Variants in PHF20L1 observed in about 807,000 individuals in gnomAD.
The protein encoded by PHF20L1 is PHD finger protein 20-like protein 1.
In PHF20L1, 44 loss-of-function variants were observed where a neutral mutation model predicts 125.5. The observed-to-expected ratio is 0.35, with a 90% confidence interval of 0.28 to 0.45. The LOEUF (loss-of-function observed/expected upper bound fraction) is 0.45. Among genes scored for constraint, PHF20L1 ranks in the 20% least tolerant of loss-of-function variants. The pLI, the probability that PHF20L1 is intolerant of heterozygous loss-of-function variation, is 1.00. For missense variants in PHF20L1, 1,012 were observed against 1,217.2 expected (o/e 0.83, Z 2.51); for synonymous variants, 380 against 403.1 (o/e 0.94, Z 0.69).
At chr8:132,834,051 A>G (rs954778400) in intron 15 of PHF20L1, among the ~76,000 whole-genome samples, 4 of 151,976 alleles carry the variant, frequency 2.6e-5, no homozygotes, top group African/African-American at 7.2e-5. Context: ...CTGGAAGGCA[A>G]CAGCTGTTCT....
Position 132,827,228 on chromosome 8 carries a change from C to T in PHF20L1, c.1744+1857C>T, listed in dbSNP as rs146729151. 4.2e-4 allele frequency among the ~76,000 whole-genome samples: 64 copies of T among 151,874 alleles called. 2 individuals are homozygous for T. Among genetic ancestry groups the T allele is most frequent in the African/African-American group, 2.7e-4 (11 of 41,458 alleles). ...GAAATGATGTAGAGGTAGGAAACTCCGGAGTTTGGTAAACAAAAACTATTC... is the reference window on the plus strand; with the variant it reads ...GAAATGATGTAGAGGTAGGAAACTCTGGAGTTTGGTAAACAAAAACTATTC... On this transcript the variant is annotated intron_variant, in intron 14 of 20. Transcript: ENST00000395386.
At chr8:132,843,561 T>C in intron 19 of PHF20L1, 1 of 984,980 alleles carries the variant, frequency 1.0e-6, no homozygotes, top group African/African-American at 1.7e-5. Flanking sequence ...TTAATTAATA[T>C]CCCATGTGCA....
chr8:132,837,292 G>T (rs1040096414), intron 16 of PHF20L1, among the ~76,000 whole-genome samples: 1 of 152,084 alleles, frequency 6.6e-6, no homozygotes, highest in Admixed American at 6.6e-5. Flanking sequence ...TGGTTTTATG[G>T]AGGGAACTAT....
At chr8:132,798,986 A>G in intron 5 of PHF20L1, 109 bp from the exon 6 acceptor site, 1 of 1,114,246 alleles carries the variant, frequency 9.0e-7, no homozygotes, top group South Asian at 1.4e-5. Context: ...TGATAGCCCC[A>G]AATAGCAGCA....
chr8:132,842,905 A>G, intron 19 of PHF20L1, 30 bp downstream of exon 19: 1 of 1,566,760 alleles, frequency 6.4e-7, no homozygotes, highest in Non-Finnish European at 8.6e-7. Flanking sequence ...CTTTGCTTGG[A>G]AACTATGAGA....
In PHF20L1 at chr8:132,817,476, G is replaced by A. The variant is rs1451400274; in HGVS notation, c.1510G>A (p.Asp504Asn). 3 of 1,612,430 alleles carry A rather than the reference G, an allele frequency of 1.9e-6. No homozygotes were observed. Among genetic ancestry groups the A allele is most frequent in the East Asian group, 2.2e-5 (1 of 44,794 alleles). ...RNECPRAEKE[D>N]TQMLPNPSSK... ...TGAATGTCCCAGGGCAGAAAAAGAG[G>A]ATACACAGATGCTTCCAAATCCTTC... is the stretch of plus-strand genomic sequence containing the variant. The change falls in exon 12 of 21, where the codon GAT (aspartate) becomes AAT (asparagine). Residue 504 changes from aspartate to asparagine, a missense_variant. By Grantham distance (23) the Asp-to-Asn change is conservative. Transcript: ENST00000395386.
At position 132,846,746 on chromosome 8, in the gene PHF20L1, T is replaced by C. The variant is rs1838446748; in HGVS notation, c.*823T>C. The C allele has an allele frequency of 6.6e-6, 1 of 152,270 alleles. No homozygotes were observed. The highest frequency in any genetic ancestry group is 6.6e-5 in the Admixed American group (1 of 15,220). The allele number at this position is 152,270 out of a possible 1,614,324, so 9.4% of individuals were successfully genotyped here. Reference sequence around the variant, plus strand: ...TCCAAAACCTATATATCACCTATACTATATATATCATATATATAGTTGAAT... The same window carrying C: ...TCCAAAACCTATATATCACCTATACCATATATATCATATATATAGTTGAAT... On this transcript the variant is annotated 3_prime_UTR_variant, in exon 21 of 21. Coordinates refer to ENST00000395386, the MANE Select transcript of PHF20L1 (RefSeq NM_016018.5).
At position 132,817,376 on chromosome 8, in the gene PHF20L1, A is replaced by G. The variant is rs886561663; in HGVS notation, c.1410A>G (p.Gly470=). The part of the protein sequence containing the change: ...DVAHLPLEKL[G]PCLPLDLSRG... ...CACATTTGCCACTTGAGAAGCTGGG[A>G]CCCTGTCTCCCTCTTGACTTAAGTC... Residue 470 remains glycine (G), a synonymous_variant, in exon 12 of 21, where the codon GGA becomes GGG. Transcript: ENST00000395386. The G allele has an allele frequency of 2.5e-6, 4 of 1,612,636 alleles. No individual in the cohort carries two copies. The East Asian group carries it at 8.9e-5, about 36-fold the overall frequency.
At chr8:132,782,141 A>G (rs1265233412) in intron 2 of PHF20L1, among the ~76,000 whole-genome samples, 3 of 152,350 alleles carry the variant, frequency 2.0e-5, no homozygotes, top group Middle Eastern at 3.4e-3. Context: ...TAGTAACATC[A>G]TAAGAATAAA....
At chr8:132,833,565 G>T (rs1837014907) in intron 15 of PHF20L1, among the ~76,000 whole-genome samples, 1 of 152,026 alleles carries the variant, frequency 6.6e-6, no homozygotes, top group African/African-American at 2.4e-5. Flanking sequence ...TTTCTGGAAG[G>T]ATCCTGGCAA....
chr8:132,798,331 C>A (rs1832657390), intron 4 of PHF20L1, among the ~76,000 whole-genome samples: 1 of 151,976 alleles, frequency 6.6e-6, no homozygotes, highest in South Asian at 2.1e-4. Context: ...AAGGAATAAT[C>A]CTTTCCAGGG....
In PHF20L1 at chr8:132,839,372, C is replaced by A. The variant is rs374924702; in HGVS notation, c.2192-15C>A. The A allele has an allele frequency of 2.4e-4, 386 of 1,596,956 alleles. No individual in the cohort carries two copies. The highest frequency in any genetic ancestry group is 3.2e-4 in the Non-Finnish European group (376 of 1,165,682). ...AGTGCAGTCCTCTGTGATTTAATAT[C>A]AACTTCATCTGCAGGTCAGAGGTGG... On this transcript the variant is annotated splice_polypyrimidine_tract_variant and intron_variant, in intron 17 of 20. Transcript: ENST00000395386.
chr8:132,839,352 A>G, intron 17 of PHF20L1, 35 bp from the exon 18 acceptor site: 1 of 1,513,780 alleles, frequency 6.6e-7, no homozygotes, highest in Non-Finnish European at 9.2e-7. Flanking sequence ...GAGTAAGTGC[A>G]GTCCTCTGTG....
chr8:132,806,198 A>G (rs896012674), intron 8 of PHF20L1, among the ~76,000 whole-genome samples: 1 of 151,966 alleles, frequency 6.6e-6, no homozygotes, highest in Non-Finnish European at 1.5e-5. Context: ...TAATAGTTTC[A>G]ATCAATATAC....
intron 18 of PHF20L1, among the ~76,000 whole-genome samples, chr8:132,840,002 A>G (rs987892701): frequency 2.0e-5 from 3 of 152,148 alleles, no homozygotes; most frequent in Non-Finnish European, 4.4e-5. Flanking sequence ...AAGGGAGCCT[A>G]CAAACCGAAT....
intron 4 of PHF20L1, among the ~76,000 whole-genome samples, chr8:132,796,696 A>C (rs1832427768): frequency 6.6e-6 from 1 of 151,886 alleles, no homozygotes; most frequent in African/African-American, 2.4e-5. Context: ...CTGTACACTT[A>C]CACTTCTGTG....
At chr8:132,782,489 T>C (rs1457836766) in intron 2 of PHF20L1, among the ~76,000 whole-genome samples, 1 of 152,158 alleles carries the variant, frequency 6.6e-6, no homozygotes, top group East Asian at 1.9e-4. Context: ...AGTTAAGTGA[T>C]TGAGTTTTTA....
chr8:132,831,991 GT>G (rs1312633899), intron 14 of PHF20L1, among the ~76,000 whole-genome samples: 3 of 152,060 alleles, frequency 2.0e-5, no homozygotes, highest in Admixed American at 6.6e-5. Context: ...CTTCACAAAA[GT>G]TTACAGGTAC....
intron 12 of PHF20L1, among the ~76,000 whole-genome samples, chr8:132,819,346 T>C (rs897964307): frequency 3.3e-5 from 5 of 151,948 alleles, no homozygotes; most frequent in African/African-American, 1.2e-4. Context: ...AGGAAATGCA[T>C]AGTTTTAATT....
Sources: allele counts gnomAD v4.1 joint callset (sites outside exome capture counted in the v4.1 genomes callset), GRCh38; gene constraint gnomAD v4.1.1; transcripts MANE v1.5; gene names NCBI Gene and HGNC (gene_info 2026-07-23, HGNC 2026-07-21).